The following RUNX1 variants were observed in gnomAD, a reference collection of about 807,000 sequenced individuals.
RUNX1 encodes the protein RUNX family transcription factor 1, also known as runt-related transcription factor 1.
In RUNX1, 19 loss-of-function variants were observed where a neutral mutation model predicts 42.8. That is an observed-to-expected ratio of 0.44 (90% CI 0.31 to 0.65). RUNX1 has a LOEUF of 0.65. Among genes scored for constraint, RUNX1 ranks in the 30% least tolerant of loss-of-function variants. RUNX1 has a pLI of 0.07. For synonymous variants in RUNX1, 271 were observed against 289.4 expected, an observed-to-expected ratio of 0.94 and a Z score of 0.64; for missense variants, 528 against 672.0, an observed-to-expected ratio of 0.79 and a Z score of 2.37.
intron 3 of RUNX1, chr21:34,889,603 C>G: frequency 9.9e-7 from 1 of 1,005,344 alleles, no homozygotes; most frequent in Non-Finnish European, 1.2e-6. Flanking sequence ...CGTCTCCCCT[C>G]CGGCTCCCCG....
chr21:34,956,449 T>A (rs1225818565), intron 2 of RUNX1, among the ~76,000 whole-genome samples: 1 of 152,152 alleles, frequency 6.6e-6, no homozygotes, highest in Non-Finnish European at 1.5e-5. Flanking sequence ...TACTGTGAAA[T>A]TTCAAGCTCC....
intron 2 of RUNX1, among the ~76,000 whole-genome samples, chr21:34,899,592 C>A (rs1268114929): frequency 6.6e-6 from 1 of 152,168 alleles, no homozygotes; most frequent in African/African-American, 2.4e-5. Flanking sequence ...ATAGAAGTCA[C>A]CAGTACATCT....
At chr21:34,895,752 T>C (rs1480982310) in intron 2 of RUNX1, among the ~76,000 whole-genome samples, 2 of 152,008 alleles carry the variant, frequency 1.3e-5, no homozygotes, top group Admixed American at 6.6e-5. Context: ...CAAAAATACA[T>C]AGACGTAGAT....
At chr21:34,986,365 TGGA>T (rs1257197857) in intron 2 of RUNX1, among the ~76,000 whole-genome samples, 1 of 151,612 alleles carries the variant, frequency 6.6e-6, no homozygotes, top group African/African-American at 2.4e-5. Context: ...GTTTAGTCTG[TGGA>T]GGAGGTCTCA....
intron 7 of RUNX1, among the ~76,000 whole-genome samples, chr21:34,806,423 C>A (rs2056680758): frequency 6.6e-6 from 1 of 152,146 alleles, no homozygotes; most frequent in Non-Finnish European, 1.5e-5. Flanking sequence ...TGGGTGAATT[C>A]TCTAAGAAGA....
chr21:35,029,560 G>A (rs369209040), intron 2 of RUNX1, among the ~76,000 whole-genome samples: 2 of 152,168 alleles, frequency 1.3e-5, no homozygotes, highest in African/African-American at 4.8e-5. Context: ...AGCCCTTGGC[G>A]AGGTATCTTT....
chr21:34,881,368 A>G (rs1325172966), intron 4 of RUNX1, among the ~76,000 whole-genome samples: 1 of 152,234 alleles, frequency 6.6e-6, no homozygotes, highest in Non-Finnish European at 1.5e-5. Context: ...GTCCCTCTAC[A>G]GTTCATCTTT....
At chr21:34,950,485 T>C (rs1315143283) in intron 2 of RUNX1, among the ~76,000 whole-genome samples, 1 of 152,152 alleles carries the variant, frequency 6.6e-6, no homozygotes, top group Admixed American at 6.5e-5. Context: ...ATGCCTGTAA[T>C]ACCAGCACTT....
chr21:35,029,288 T>C (rs1443790917), intron 2 of RUNX1, among the ~76,000 whole-genome samples: 3 of 152,214 alleles, frequency 2.0e-5, no homozygotes, highest in African/African-American at 7.2e-5. Flanking sequence ...TAGCTTAACA[T>C]GGTTTAGTGG....
At chr21:35,040,184 C>G (rs2059347094) in intron 2 of RUNX1, among the ~76,000 whole-genome samples, 1 of 152,290 alleles carries the variant, frequency 6.6e-6, no homozygotes, top group South Asian at 2.1e-4. Context: ...TGCCCAGATG[C>G]AGCCTGCAGA....
intron 6 of RUNX1, among the ~76,000 whole-genome samples, chr21:34,837,040 T>C (rs543360342): frequency 6.6e-6 from 1 of 152,380 alleles, no homozygotes; most frequent in African/African-American, 2.4e-5. Flanking sequence ...CATTACTATA[T>C]ACTTAGAAAT....
intron 7 of RUNX1, among the ~76,000 whole-genome samples, chr21:34,820,916 T>C (rs2056898964): frequency 6.6e-6 from 1 of 152,294 alleles, no homozygotes; most frequent in Non-Finnish European, 1.5e-5. Flanking sequence ...AAAACCTGGA[T>C]GTTAGGTCTG....
intron 3 of RUNX1, among the ~76,000 whole-genome samples, chr21:34,888,887 C>A (rs1306577681): frequency 6.6e-6 from 1 of 151,736 alleles, no homozygotes; most frequent in Non-Finnish European, 1.5e-5. Flanking sequence ...CTACTGTACG[C>A]AGCCCGGGCG....
In RUNX1 at chr21:34,907,054, A is replaced by T. The variant is rs1160643122; in HGVS notation, c.59-14091T>A. 6.6e-6 allele frequency among the ~76,000 whole-genome samples: 1 copy of T among 152,182 alleles called. No homozygotes were observed. The highest frequency in any genetic ancestry group is 1.5e-5 in the Non-Finnish European group (1 of 68,034). On this transcript the variant is annotated intron_variant, in intron 2 of 8. Coordinates refer to ENST00000675419, the MANE Select transcript of RUNX1 (RefSeq NM_001754.5). The surrounding 1 kb of genome is among the most constrained non-coding windows in gnomAD (Gnocchi z 5.3). ...TAGGTGTTTTGATATTGTCATTAGT[A>T]TTCATTATTCATGAGGACTTGATCG...
chr21:34,835,119 C>T (rs982525735), intron 6 of RUNX1, among the ~76,000 whole-genome samples: 5 of 152,100 alleles, frequency 3.3e-5, no homozygotes, highest in Non-Finnish European at 7.4e-5. Context: ...GGAAATGAGG[C>T]GTGGCTGCAA....
At chr21:34,904,680 G>A (rs2058203643) in intron 2 of RUNX1, among the ~76,000 whole-genome samples, 1 of 152,146 alleles carries the variant, frequency 6.6e-6, no homozygotes, top group Admixed American at 6.5e-5. Flanking sequence ...ATTTTGAGGA[G>A]AATTTAAAAT....
chr21:34,960,647 G>A (rs192740590), intron 2 of RUNX1, among the ~76,000 whole-genome samples: 1 of 152,306 alleles, frequency 6.6e-6, no homozygotes, highest in Non-Finnish European at 1.5e-5. Flanking sequence ...AAGCAATAGA[G>A]GGCCCTTTGG....
chr21:34,923,819 A>T (rs906352772), intron 2 of RUNX1, among the ~76,000 whole-genome samples: 1 of 115,138 alleles, frequency 8.7e-6, no homozygotes, highest in Non-Finnish European at 1.7e-5. Flanking sequence ...GAGTTTACTT[A>T]GTAGATCTCT....
chr21:34,930,624 T>TA (rs2058436139), intron 2 of RUNX1, among the ~76,000 whole-genome samples: 3 of 151,950 alleles, frequency 2.0e-5, no homozygotes, highest in East Asian at 3.9e-4. Flanking sequence ...TTGCACCACT[T>TA]AGAGTCCAGA....
Sources: allele counts gnomAD v4.1 joint callset (sites outside exome capture counted in the v4.1 genomes callset), GRCh38; gene constraint gnomAD v4.1.1; non-coding constraint Gnocchi (gnomAD v3.1); transcripts MANE v1.5; gene names NCBI Gene and HGNC (gene_info 2026-07-23, HGNC 2026-07-21).